PRKDC: variants seen among roughly 807,000 people sequenced by gnomAD.
PRKDC encodes the protein DNA-dependent protein kinase catalytic subunit.
A neutral mutation model predicts 486.9 loss-of-function variants in PRKDC; 82 were observed. The ratio of observed to expected loss-of-function variants is 0.17; its 90% CI spans 0.14 to 0.20. PRKDC has a LOEUF of 0.20. PRKDC is among the 10% of genes least tolerant of loss of function. The probability of loss-of-function intolerance (pLI) is 1.00; values close to 1 mark genes in which losing one functional copy is unlikely to be tolerated. For missense variants in PRKDC, 4,504 were observed against 5,038.2 expected (o/e 0.89, Z 3.21); for synonymous variants, 1,895 against 1,837.0 (o/e 1.03, Z -0.81).
At chr8:47,825,514 A>AC (rs1455624149) in intron 63 of PRKDC, among the ~76,000 whole-genome samples, 1 of 150,488 alleles carries the variant, frequency 6.6e-6, no homozygotes, top group African/African-American at 2.4e-5. Flanking sequence ...CAAAAAAAAA[A>AC]AAAAAAAAAA....
chr8:47,954,401 T>G lies in PRKDC; in HGVS notation c.445A>C (p.Ile149Leu). The G allele has an allele frequency of 5.7e-6, 8 of 1,391,622 alleles. No individual in the cohort carries two copies. The highest frequency in any genetic ancestry group is 7.8e-6 in the Non-Finnish European group (8 of 1,025,240). 86.2% of individuals were successfully genotyped at this position (1,391,622 alleles called of 1,614,324 possible). The change falls in exon 5 of 86, where the codon ATT becomes CTT. Residue 149 changes from isoleucine (I) to leucine (L), a missense_variant. Physicochemically the swap from Ile to Leu is conservative, Grantham distance 5 (BLOSUM62 2). This residue lies in a region of PRKDC where 1,969 missense variants were observed against 2,068.9 expected (regional missense o/e 0.95). Transcript: ENST00000314191. ...TAGAATTTACTAAATAATTCTCCAATTTTAAATTCATCCATGAGTCTAGAA... is the reference window on the plus strand; with the variant it reads ...TAGAATTTACTAAATAATTCTCCAAGTTTAAATTCATCCATGAGTCTAGAA... Reference protein sequence around the residue: ...RSSRLMDEFKIGELFSKFYGE... With the variant: ...RSSRLMDEFKLGELFSKFYGE...
intron 31 of PRKDC, 134 bp downstream of exon 31, chr8:47,893,005 A>G: frequency 1.0e-6 from 1 of 997,238 alleles, no homozygotes; most frequent in Non-Finnish European, 1.4e-6. Flanking sequence ...CTTGCAGAGA[A>G]GTGACATGAA....
intron 54 of PRKDC, among the ~76,000 whole-genome samples, chr8:47,847,315 C>T (rs985761387): frequency 2.0e-5 from 3 of 152,066 alleles, no homozygotes; most frequent in African/African-American, 7.2e-5. Context: ...AACACAGACA[C>T]ACAGACCAAT....
intron 68 of PRKDC, among the ~76,000 whole-genome samples, chr8:47,809,800 T>C (rs1045291567): frequency 1.3e-5 from 2 of 152,202 alleles, no homozygotes; most frequent in Non-Finnish European, 2.9e-5. Flanking sequence ...AGACTGTATG[T>C]ATGCGCAGGG....
intron 31 of PRKDC, among the ~76,000 whole-genome samples, chr8:47,892,294 A>C (rs2089477541): frequency 6.6e-6 from 1 of 152,164 alleles, no homozygotes; most frequent in South Asian, 2.1e-4. Context: ...GGCAGTAAAA[A>C]ATGTAATGTG....
At chr8:47,927,163 C>T (rs768763923) in intron 21 of PRKDC, 31 bp downstream of exon 21, 1 of 1,598,536 alleles carries the variant, frequency 6.3e-7, no homozygotes, top group East Asian at 2.2e-5. Context: ...ATTTTAATTA[C>T]AATACACATC....
intron 31 of PRKDC, among the ~76,000 whole-genome samples, chr8:47,891,298 A>C (rs768408825): frequency 5.9e-5 from 9 of 152,344 alleles, no homozygotes; most frequent in Middle Eastern, 3.4e-3. Context: ...TGTAAGTCTC[A>C]TGGTTTCTAA....
chr8:47,881,723 A>G (rs1589762771), intron 37 of PRKDC, among the ~76,000 whole-genome samples, 189 bp downstream of exon 37: 1 of 152,254 alleles, frequency 6.6e-6, no homozygotes, highest in Non-Finnish European at 1.5e-5. Context: ...AAGATATAGC[A>G]TAAGAAATAG....
At chr8:47,887,045 C>T (rs1292821928) in intron 35 of PRKDC, among the ~76,000 whole-genome samples, 1 of 152,128 alleles carries the variant, frequency 6.6e-6, no homozygotes, top group Non-Finnish European at 1.5e-5. Context: ...AAAGGGGTTT[C>T]TGCTACAGAA....
At chr8:47,942,986 G>A (rs1318491115) in intron 10 of PRKDC, among the ~76,000 whole-genome samples, 1 of 152,134 alleles carries the variant, frequency 6.6e-6, no homozygotes, top group Admixed American at 6.5e-5. Flanking sequence ...CATTACACTT[G>A]TCTCAATCTA....
At chr8:47,913,582 C>T (rs2089941370) in intron 24 of PRKDC, among the ~76,000 whole-genome samples, 2 of 152,040 alleles carry the variant, frequency 1.3e-5, no homozygotes, top group Non-Finnish European at 2.9e-5. Context: ...TAGTAAAGAT[C>T]AGGTTTTACC....
chr8:47,832,498 C>G (rs996485798), intron 59 of PRKDC, among the ~76,000 whole-genome samples: 7 of 152,044 alleles, frequency 4.6e-5, no homozygotes, highest in East Asian at 1.9e-4. Flanking sequence ...AAAACATGAT[C>G]ATTTATCAGA....
At chr8:47,939,120 C>G (rs558173280) in intron 11 of PRKDC, among the ~76,000 whole-genome samples, 42 of 152,226 alleles carry the variant, frequency 2.8e-4, no homozygotes, top group African/African-American at 8.9e-4. Context: ...ATACTGAGCT[C>G]CTAAGGGTTA....
rs2086563552 is a variant in PRKDC at position 47,774,099 on chromosome 8, G to A, written c.*74C>T. 1.4e-6 allele frequency: 2 copies of A among 1,412,150 alleles called. No homozygotes were observed. Among genetic ancestry groups the A allele is most frequent in the African/African-American group, 2.9e-5 (2 of 69,298 alleles). The allele number at this position is 1,412,150 out of a possible 1,614,324, so 87.5% of individuals were successfully genotyped here. A position where few individuals can be genotyped will look rare whatever the true frequency, so the allele number is the denominator to read the frequency against. ...TAGTGTTTCAGGAAAATCAGCTCAT[G>A]GAATGCTGCCAACCAAAGTATAGTA... On this transcript the variant is annotated 3_prime_UTR_variant, in exon 86 of 86. Coordinates refer to ENST00000314191, the MANE Select transcript of PRKDC (RefSeq NM_006904.7).
At chr8:47,951,107 A>C (rs985895305) in intron 7 of PRKDC, among the ~76,000 whole-genome samples, 1 of 152,082 alleles carries the variant, frequency 6.6e-6, no homozygotes, top group African/African-American at 2.4e-5. Flanking sequence ...AGCGGCTCAC[A>C]CCTGTAATCC....
At chr8:47,798,188 T>G (rs767737287) in intron 73 of PRKDC, 49 bp downstream of exon 73, 34 of 1,575,444 alleles carry the variant, frequency 2.2e-5, no homozygotes, top group Middle Eastern at 1.7e-4. Flanking sequence ...TAAGCGTATC[T>G]TTAAGTTCTG....
chr8:47,954,233 G>A lies in PRKDC; in HGVS notation c.508+105C>T, dbSNP rs941594257. 13 of 518,342 alleles carry A rather than the reference G, an allele frequency of 2.5e-5. 1 individual carries two copies. The highest frequency in any genetic ancestry group is 2.2e-4 in the African/African-American group (11 of 50,452). 32.1% of individuals were successfully genotyped at this position (518,342 alleles called of 1,614,324 possible). ...GGTTTATTTTCAGCAAAAAGTATTC[G>A]ACTGTAAAATAAGACCTTGGTAGAG... is the stretch of plus-strand genomic sequence containing the variant. On this transcript the variant is annotated intron_variant, in intron 5 of 85. Coordinates refer to ENST00000314191, the MANE Select transcript of PRKDC (RefSeq NM_006904.7).
At chr8:47,885,650 C>T (rs773190975) in intron 36 of PRKDC, among the ~76,000 whole-genome samples, 20 of 151,904 alleles carry the variant, frequency 1.3e-4, no homozygotes, top group Non-Finnish European at 2.8e-4. Flanking sequence ...CCCAGCACTT[C>T]GGGAGGCCAA....
intron 21 of PRKDC, among the ~76,000 whole-genome samples, chr8:47,926,515 G>A (rs1049144531): frequency 6.6e-6 from 1 of 152,042 alleles, no homozygotes; most frequent in Admixed American, 6.6e-5. Flanking sequence ...GACTTCTACT[G>A]TGAAGATAGT....
Sources: gnomAD v4.1 joint callset for allele counts (sites outside exome capture counted in the v4.1 genomes callset) on GRCh38, gnomAD v4.1.1 for gene constraint, gnomAD v4.1.1 regional missense constraint, MANE v1.5 for transcripts, NCBI Gene and HGNC (gene_info 2026-07-23, HGNC 2026-07-21) for gene names.